The following FHOD3 variants were observed in gnomAD, a reference collection of about 807,000 sequenced individuals.
FHOD3 encodes the protein FH1/FH2 domain-containing protein 3.
A neutral mutation model predicts 173.0 loss-of-function variants in FHOD3; 90 were observed. The observed-to-expected ratio is 0.52, with a 90% CI of 0.44 to 0.62. The LOEUF (loss-of-function observed/expected upper bound fraction) is 0.62, where lower values mean the gene tolerates loss of function less well. FHOD3 is among the 20% of genes least tolerant of loss of function. The probability of loss-of-function intolerance (pLI) is 0.00; values close to 1 mark genes in which losing one functional copy is unlikely to be tolerated. For synonymous variants in FHOD3, 828 were observed against 823.0 expected (o/e 1.01, Z -0.10); for missense variants, 1,945 against 2,034.7 (o/e 0.96, Z 0.85).
rs767199952 is a variant in FHOD3 at position 36,747,016 on chromosome 18, C to G, written c.4113C>G (p.Leu1371=). ...GATGCAAAGCTTCATGGGATCACCT[C>G]AAGGCAATTGCAAAACATGAAATGA... The part of the protein sequence containing the change: ...ERRCKASWDH[L]KAIAKHEMKP... The change falls in exon 24 of 29, where the codon CTC becomes CTG. Residue 1371 remains leucine, a synonymous_variant. Coordinates refer to ENST00000590592, the MANE Select transcript of FHOD3 (RefSeq NM_001281740.3). 6.2e-7 allele frequency: 1 copy of G among 1,613,944 alleles called. No individual in the cohort carries two copies. Among genetic ancestry groups the G allele is most frequent in the Admixed American group, 1.7e-5 (1 of 59,982 alleles).
At chr18:36,750,544 G>A (rs752090858) in intron 24 of FHOD3, among the ~76,000 whole-genome samples, 4 of 152,150 alleles carry the variant, frequency 2.6e-5, no homozygotes, top group South Asian at 2.1e-4. Context: ...GGTAAATTTC[G>A]CTGTGATTGC....
intron 3 of FHOD3, among the ~76,000 whole-genome samples, chr18:36,453,165 C>G (rs1898208979): frequency 6.6e-6 from 1 of 152,086 alleles, no homozygotes; most frequent in African/African-American, 2.4e-5. Flanking sequence ...CTTGGTGTTG[C>G]TCTGATCACA....
At chr18:36,648,857 C>T (rs552115729) in intron 10 of FHOD3, among the ~76,000 whole-genome samples, 1 of 152,290 alleles carries the variant, frequency 6.6e-6, no homozygotes, top group African/African-American at 2.4e-5. Context: ...TTGGCCTGAC[C>T]CTTGGTGATT....
intron 1 of FHOD3, among the ~76,000 whole-genome samples, chr18:36,347,080 T>C (rs565687224): frequency 1.5e-4 from 23 of 152,286 alleles, no homozygotes; most frequent in African/African-American, 4.1e-4. Flanking sequence ...CACAGTGTAG[T>C]GTGTGGCATG....
intron 14 of FHOD3, among the ~76,000 whole-genome samples, chr18:36,658,786 C>T (rs16968134): frequency 0.021 from 3,260 of 152,310 alleles, 119 homozygotes; most frequent in African/African-American, 0.074. Context: ...AAGTTACCCT[C>T]ACATGGCAAG....
intron 3 of FHOD3, among the ~76,000 whole-genome samples, chr18:36,393,692 C>T (rs2048413478): frequency 6.6e-6 from 1 of 152,156 alleles, no homozygotes; most frequent in Admixed American, 6.5e-5. Context: ...CCCAACTAGA[C>T]CTGGAGAATA....
intron 3 of FHOD3, among the ~76,000 whole-genome samples, chr18:36,409,173 G>GC (rs2049220718): frequency 1.3e-5 from 2 of 148,684 alleles, no homozygotes; most frequent in South Asian, 4.2e-4. Context: ...AAACCTTCTT[G>GC]GGGGGGTAAT....
chr18:36,642,877 T>C (rs937726240), intron 10 of FHOD3, among the ~76,000 whole-genome samples: 3 of 151,806 alleles, frequency 2.0e-5, no homozygotes, highest in Non-Finnish European at 4.4e-5. Flanking sequence ...GGTTTTATTG[T>C]GGGGGTTTTT....
chr18:36,598,649 TAC>T (rs1424499884), intron 7 of FHOD3, among the ~76,000 whole-genome samples: 2 of 152,242 alleles, frequency 1.3e-5, no homozygotes, highest in East Asian at 3.9e-4. Flanking sequence ...ACCTCTGCGT[TAC>T]GCCATTCTTC....
chr18:36,301,920 T>G (rs1161282346), intron 1 of FHOD3, among the ~76,000 whole-genome samples: 2 of 151,968 alleles, frequency 1.3e-5, no homozygotes, highest in Non-Finnish European at 2.9e-5. Flanking sequence ...CTGGACAGAG[T>G]GGAGTTATAA....
chr18:36,764,518 G>A (rs1188020092), intron 27 of FHOD3, among the ~76,000 whole-genome samples: 1 of 152,040 alleles, frequency 6.6e-6, no homozygotes, highest in Non-Finnish European at 1.5e-5. Flanking sequence ...CCAGAGTCTT[G>A]AGCCCCTGTG....
chr18:36,452,360 A>G (rs1030969884), intron 3 of FHOD3, among the ~76,000 whole-genome samples: 1 of 152,202 alleles, frequency 6.6e-6, no homozygotes, highest in Non-Finnish European at 1.5e-5. Context: ...CAAGAAAAGA[A>G]GCCAAAAAAA....
chr18:36,427,890 G>A (rs1249178349), intron 3 of FHOD3, among the ~76,000 whole-genome samples: 4 of 152,182 alleles, frequency 2.6e-5, no homozygotes, highest in African/African-American at 2.4e-5. Context: ...CATAATGAAC[G>A]TAATTGCTAG....
Position 36,764,791 on chromosome 18 carries a change from G to A in FHOD3, c.4624+4009G>A, listed in dbSNP as rs570314197. Among the ~76,000 whole-genome samples the A allele has an allele frequency of 3.2e-4, 49 of 152,310 alleles. 1 individual carries two copies. The highest frequency in any genetic ancestry group is 1.2e-3 in the African/African-American group (48 of 41,564). On this transcript the variant is annotated intron_variant, in intron 27 of 28. Transcript: ENST00000590592. Reference sequence around the variant, plus strand: ...GGAGACTTCTGCTTTCATGCAGCATGTGTTATGGAGTGGCAAGCCACCCAC... The same window carrying A: ...GGAGACTTCTGCTTTCATGCAGCATATGTTATGGAGTGGCAAGCCACCCAC...
At chr18:36,751,284 T>C (rs925828624) in intron 24 of FHOD3, among the ~76,000 whole-genome samples, 1 of 152,242 alleles carries the variant, frequency 6.6e-6, no homozygotes, top group Non-Finnish European at 1.5e-5. Context: ...TCAGCTTGAC[T>C]GTTGTTGGTG....
intron 1 of FHOD3, among the ~76,000 whole-genome samples, chr18:36,334,035 G>A (rs57158775): frequency 0.046 from 7,048 of 152,222 alleles, 532 homozygotes; most frequent in African/African-American, 0.16. Flanking sequence ...CCTCCAGCAG[G>A]TCTGCTCAAG....
intron 19 of FHOD3, among the ~76,000 whole-genome samples, chr18:36,724,023 C>T (rs1481336447): frequency 6.6e-6 from 1 of 152,222 alleles, no homozygotes; most frequent in African/African-American, 2.4e-5. Flanking sequence ...AGGTTGTGGT[C>T]ACTCTTGCAT....
chr18:36,311,465 G>A (rs75274491), intron 1 of FHOD3, among the ~76,000 whole-genome samples: 1 of 152,160 alleles, frequency 6.6e-6, no homozygotes, highest in Non-Finnish European at 1.5e-5. Context: ...CCTGAGCTCC[G>A]TGTTTCTAAT....
At chr18:36,304,442 TA>T (rs1199442323) in intron 1 of FHOD3, among the ~76,000 whole-genome samples, 2 of 152,280 alleles carry the variant, frequency 1.3e-5, no homozygotes, top group South Asian at 2.1e-4. Flanking sequence ...ATAAAAGAGC[TA>T]AAAAAATTAG....
Sources: allele counts gnomAD v4.1 joint callset (sites outside exome capture counted in the v4.1 genomes callset), GRCh38; gene constraint gnomAD v4.1.1; transcripts MANE v1.5; gene names NCBI Gene and HGNC (gene_info 2026-07-23, HGNC 2026-07-21).